The following TBPL1 variants were observed in gnomAD, a reference collection of about 807,000 sequenced individuals.
TBPL1 encodes the protein TATA-box binding protein like 1.
TBPL1 carries 4 observed loss-of-function variants against 22.1 expected under a neutral mutation model. The ratio of observed to expected loss-of-function variants is 0.18; its 90% CI spans 0.09 to 0.41. TBPL1 has a LOEUF of 0.41. Among genes scored for constraint, TBPL1 ranks in the 10% least tolerant of loss-of-function variants. The pLI is 1.00. For synonymous variants in TBPL1, 64 were observed against 71.0 expected, an observed-to-expected ratio of 0.90 and a Z score of 0.50; for missense variants, 115 against 222.3, an observed-to-expected ratio of 0.52 and a Z score of 3.07.
intron 1 of TBPL1, among the ~76,000 whole-genome samples, chr6:133,955,062 T>C (rs1290100275): frequency 6.6e-6 from 1 of 151,998 alleles, no homozygotes; most frequent in Non-Finnish European, 1.5e-5. Context: ...AAAGATAGAT[T>C]AATGAATCAA....
At chr6:133,977,808 A>G (rs767483540) in intron 1 of TBPL1, among the ~76,000 whole-genome samples, 1 of 152,198 alleles carries the variant, frequency 6.6e-6, no homozygotes, top group Non-Finnish European at 1.5e-5. Context: ...TTGTTGTTCT[A>G]CCATCCTCAT....
intron 1 of TBPL1, among the ~76,000 whole-genome samples, chr6:133,966,465 T>C (rs1456348599): frequency 6.6e-6 from 1 of 152,190 alleles, no homozygotes; most frequent in Non-Finnish European, 1.5e-5. Context: ...ATGATGGTTT[T>C]AATTACCTTC....
chr6:133,970,162 C>G (rs1776193418), intron 1 of TBPL1, among the ~76,000 whole-genome samples: 2 of 152,194 alleles, frequency 1.3e-5, no homozygotes, highest in Admixed American at 1.3e-4. Context: ...CCTCAATTGA[C>G]TCTGTCAATT....
intron 1 of TBPL1, among the ~76,000 whole-genome samples, chr6:133,966,529 G>A (rs772387075): frequency 6.6e-6 from 1 of 152,106 alleles, no homozygotes; most frequent in Non-Finnish European, 1.5e-5. Context: ...CCTGTCCTGA[G>A]CAATGGACTT....
chr6:133,959,013 T>C (rs1050330674), intron 1 of TBPL1, among the ~76,000 whole-genome samples: 2 of 152,070 alleles, frequency 1.3e-5, no homozygotes, highest in Admixed American at 1.3e-4. Context: ...TTTCCTTTAG[T>C]TTTAGATACC....
chr6:133,954,315 A>G (rs1430813678), intron 1 of TBPL1, among the ~76,000 whole-genome samples: 1 of 152,196 alleles, frequency 6.6e-6, no homozygotes, highest in Non-Finnish European at 1.5e-5. Flanking sequence ...AAGAAAAGGG[A>G]GCAGGTTTGC....
intron 1 of TBPL1, among the ~76,000 whole-genome samples, chr6:133,961,602 G>A (rs141118331): frequency 2.3e-4 from 35 of 151,630 alleles, no homozygotes; most frequent in African/African-American, 7.5e-4. Flanking sequence ...TGGGTAGCTG[G>A]GATTACAGGT....
chr6:133,980,192 A>G lies in TBPL1; in HGVS notation c.67A>G (p.Arg23Gly). 2 of 1,610,398 alleles carry G rather than the reference A, an allele frequency of 1.2e-6. No individual in the cohort carries two copies. Among genetic ancestry groups the G allele is most frequent in the Non-Finnish European group, 1.7e-6 (2 of 1,178,474 alleles). Residue 23 changes from arginine to glycine, a missense_variant, in exon 2 of 7, where the codon AGA becomes GGA. Arg to Gly is a moderately radical substitution (Grantham distance 125). Coordinates refer to ENST00000237264, the MANE Select transcript of TBPL1 (RefSeq NM_004865.4). ...ITNVVCVFRT[R>G]CHLNLRKIAL... ...AAATGTAGTCTGTGTTTTTAGAACAAGATGTCATTTAAACTTAAGGAAGAT... is the reference window on the plus strand; with the variant it reads ...AAATGTAGTCTGTGTTTTTAGAACAGGATGTCATTTAAACTTAAGGAAGAT...
chr6:133,980,006 C>A, intron 1 of TBPL1, 76 bp from the exon 2 acceptor site: 1 of 1,093,700 alleles, frequency 9.1e-7, no homozygotes, highest in Non-Finnish European at 1.2e-6. Context: ...TCATTTTTTA[C>A]ATTTCAATTT....
intron 2 of TBPL1, among the ~76,000 whole-genome samples, chr6:133,980,548 C>T (rs1156419575): frequency 1.3e-5 from 2 of 151,972 alleles, no homozygotes; most frequent in Non-Finnish European, 2.9e-5. Flanking sequence ...TATATTCGCA[C>T]ATGTACCTAT....
At chr6:133,985,300 ATATATATATATATATATATATATATAT>A (rs1776496344) in intron 6 of TBPL1, among the ~76,000 whole-genome samples, 1 of 35,724 alleles carries the variant, frequency 2.8e-5, no homozygotes, top group Non-Finnish European at 5.1e-5. Context: ...AAAAAAAAAT[ATATATATATATATATATATATATATAT>A]ATATATATAT....
intron 1 of TBPL1, among the ~76,000 whole-genome samples, chr6:133,970,590 A>C (rs549457849): frequency 2.0e-5 from 3 of 151,552 alleles, no homozygotes; most frequent in Non-Finnish European, 2.9e-5. Flanking sequence ...TCTGTCACCA[A>C]GGTTTGTTTT....
chr6:133,974,607 G>A (rs565181412), intron 1 of TBPL1, among the ~76,000 whole-genome samples: 2 of 152,232 alleles, frequency 1.3e-5, no homozygotes, highest in African/African-American at 4.8e-5. Flanking sequence ...GATTATAGGC[G>A]TAAGCCACCG....
intron 1 of TBPL1, among the ~76,000 whole-genome samples, chr6:133,963,544 C>T (rs767756157): frequency 6.6e-6 from 1 of 152,290 alleles, no homozygotes; most frequent in Middle Eastern, 3.4e-3. Context: ...CCTCAGCCTC[C>T]TGAGTAGCTG....
At chr6:133,962,156 G>A (rs1197748027) in intron 1 of TBPL1, among the ~76,000 whole-genome samples, 5 of 152,194 alleles carry the variant, frequency 3.3e-5, no homozygotes, top group Non-Finnish European at 5.9e-5. Context: ...GGAAGTGGAA[G>A]ATTAGGTTAT....
intron 1 of TBPL1, among the ~76,000 whole-genome samples, chr6:133,971,579 G>GTGTTGTTGT (rs150184171): frequency 6.6e-6 from 1 of 150,936 alleles, no homozygotes; most frequent in African/African-American, 2.4e-5. Context: ...CAATACATAG[G>GTGTTGTTGT]TGTTGTTGTT....
intron 1 of TBPL1, among the ~76,000 whole-genome samples, chr6:133,965,011 A>G (rs1192182021): frequency 6.6e-6 from 1 of 152,234 alleles, no homozygotes; most frequent in Non-Finnish European, 1.5e-5. Context: ...CACCCTTGAA[A>G]TAAATCAGAA....
chr6:133,976,748 G>A (rs1314095755), intron 1 of TBPL1, among the ~76,000 whole-genome samples: 1 of 152,088 alleles, frequency 6.6e-6, no homozygotes, highest in Non-Finnish European at 1.5e-5. Context: ...CCAGCACTTT[G>A]GGAGGCCGAG....
At chr6:133,973,637 C>G (rs149667299) in intron 1 of TBPL1, among the ~76,000 whole-genome samples, 2 of 152,076 alleles carry the variant, frequency 1.3e-5, no homozygotes, top group Non-Finnish European at 2.9e-5. Context: ...TTTTGAATAC[C>G]ACTAGAAAGA....
Sources: allele counts gnomAD v4.1 joint callset (sites outside exome capture counted in the v4.1 genomes callset), GRCh38; gene constraint gnomAD v4.1.1; transcripts MANE v1.5; gene names NCBI Gene and HGNC (gene_info 2026-07-23, HGNC 2026-07-21).